The following PLEKHA2 variants were observed in gnomAD, a reference collection of about 807,000 sequenced individuals.
PLEKHA2 encodes pleckstrin homology domain-containing family A member 2.
Under a neutral mutation model 53.2 loss-of-function variants are expected in PLEKHA2, and 28 were observed. That is an observed-to-expected ratio of 0.53 (90% CI 0.39 to 0.72). PLEKHA2 has a LOEUF of 0.72. Among genes scored for constraint, PLEKHA2 ranks in the 30% least tolerant of loss-of-function variants. PLEKHA2 has a pLI of 0.00. For synonymous variants in PLEKHA2, 193 were observed against 196.4 expected (o/e 0.98, Z 0.14); for missense variants, 426 against 537.9 (o/e 0.79, Z 2.06).
chr8:38,938,439 G>C (rs1465935981), intron 3 of PLEKHA2, among the ~76,000 whole-genome samples: 5 of 152,006 alleles, frequency 3.3e-5, no homozygotes, highest in Non-Finnish European at 7.4e-5. Context: ...GCAGAGCTAG[G>C]AGACCTTGTT....
chr8:38,956,160 G>A lies in PLEKHA2; in HGVS notation c.774-1163G>A, dbSNP rs570765762. Among the ~76,000 whole-genome samples the A allele has an allele frequency of 2.2e-4, 34 of 152,278 alleles. No homozygotes were observed. The South Asian group carries it at 2.5e-3, about 11-fold the overall frequency. On this transcript the variant is annotated intron_variant, in intron 9 of 11. Transcript: ENST00000617275. ...ATCTTTTACTCCTTATGTATTCCCC[G>A]CAGTGGCTGGGGATATACGCGGCAG...
At chr8:38,932,076 G>C (rs189726722) in intron 2 of PLEKHA2, among the ~76,000 whole-genome samples, 2 of 151,988 alleles carry the variant, frequency 1.3e-5, no homozygotes, top group Non-Finnish European at 2.9e-5. Context: ...CTGCAGCCTC[G>C]AACTCCTGGG....
At chr8:38,919,314 A>G (rs1399976597) in intron 2 of PLEKHA2, among the ~76,000 whole-genome samples, 2 of 152,200 alleles carry the variant, frequency 1.3e-5, no homozygotes, top group Non-Finnish European at 2.9e-5. Flanking sequence ...CCCTGGAGTC[A>G]TCACTGCTCT....
chr8:38,907,090 A>G (rs1209452224), intron 1 of PLEKHA2, among the ~76,000 whole-genome samples: 1 of 152,226 alleles, frequency 6.6e-6, no homozygotes, highest in African/African-American at 2.4e-5. Flanking sequence ...TAGGGGTAAC[A>G]GGACAGAAGA....
chr8:38,910,414 A>G (rs1377630674), intron 1 of PLEKHA2, among the ~76,000 whole-genome samples: 3 of 152,224 alleles, frequency 2.0e-5, no homozygotes, highest in Admixed American at 1.3e-4. Flanking sequence ...TTCTGTATGC[A>G]CATACTTTTG....
intron 1 of PLEKHA2, among the ~76,000 whole-genome samples, chr8:38,912,754 T>C (rs1313533982): frequency 1.3e-5 from 2 of 152,220 alleles, no homozygotes; most frequent in African/African-American, 4.8e-5. Flanking sequence ...TCATGTTGTG[T>C]GCAGCATCTG....
At chr8:38,934,970 A>G (rs893626040) in intron 2 of PLEKHA2, among the ~76,000 whole-genome samples, 3 of 152,168 alleles carry the variant, frequency 2.0e-5, no homozygotes, top group African/African-American at 4.8e-5. Context: ...AGAGTCTTCT[A>G]CATACCAGGG....
chr8:38,920,873 T>C (rs1834178412), intron 2 of PLEKHA2, among the ~76,000 whole-genome samples: 1 of 151,938 alleles, frequency 6.6e-6, no homozygotes, highest in African/African-American at 2.4e-5. Context: ...CGATCTCAGC[T>C]CACTGCAACC....
At chr8:38,966,535 C>T (rs576351077) in intron 10 of PLEKHA2, among the ~76,000 whole-genome samples, 1 of 152,178 alleles carries the variant, frequency 6.6e-6, no homozygotes, top group African/African-American at 2.4e-5. Flanking sequence ...CCTTAGCCAG[C>T]GTTTGCTCTG....
chr8:38,962,354 A>G (rs530482678), intron 10 of PLEKHA2, among the ~76,000 whole-genome samples: 1 of 152,214 alleles, frequency 6.6e-6, no homozygotes, highest in Admixed American at 6.5e-5. Context: ...CCAAAAGAAA[A>G]GAAAAAAATA....
chr8:38,948,661 A>G (rs1402311277), intron 5 of PLEKHA2, among the ~76,000 whole-genome samples: 1 of 152,152 alleles, frequency 6.6e-6, no homozygotes, highest in Non-Finnish European at 1.5e-5. Flanking sequence ...ACACCAAATG[A>G]CAGGGCTGTC....
chr8:38,907,424 G>A (rs17515835), intron 1 of PLEKHA2, among the ~76,000 whole-genome samples: 24,247 of 152,058 alleles, frequency 0.16, 2,385 homozygotes, highest in Non-Finnish European at 0.22. Flanking sequence ...TCAAAATCAA[G>A]AGGGCTATTC....
At chr8:38,925,647 T>A (rs111397245) in intron 2 of PLEKHA2, among the ~76,000 whole-genome samples, 39 of 152,372 alleles carry the variant, frequency 2.6e-4, no homozygotes, top group African/African-American at 7.5e-4. Context: ...TTAATTTTTT[T>A]AAATAAACTG....
rs368305175 is a variant in PLEKHA2, at chr8:38,941,261, AG to A, written c.199-2527del. Among the ~76,000 whole-genome samples the A allele has an allele frequency of 3.0e-3, 458 of 152,224 alleles. 3 individuals carry two copies. Among genetic ancestry groups the A allele is most frequent in the African/African-American group, 0.011 (442 of 41,558 alleles). On this transcript the variant is annotated intron_variant, in intron 3 of 11. Transcript: ENST00000617275. ...AGTAGAGACAGGGTTTCACCATGTT[AG>A]TCAGGCTGGTCTCGAACTCCTTACC... is the stretch of plus-strand genomic sequence containing the variant.
chr8:38,907,506 A>C (rs1439649025), intron 1 of PLEKHA2, among the ~76,000 whole-genome samples: 1 of 152,212 alleles, frequency 6.6e-6, no homozygotes, highest in Non-Finnish European at 1.5e-5. Flanking sequence ...GGCTGGGCAC[A>C]GTGGCTCATG....
intron 1 of PLEKHA2, among the ~76,000 whole-genome samples, chr8:38,910,054 T>C (rs1833934052): frequency 1.3e-5 from 2 of 151,314 alleles, no homozygotes; most frequent in Admixed American, 1.3e-4. Flanking sequence ...CTTCCAGGGC[T>C]CAAGTGATCC....
intron 3 of PLEKHA2, among the ~76,000 whole-genome samples, chr8:38,940,647 GGGC>G (rs1165103355): frequency 1.7e-4 from 11 of 65,034 alleles, no homozygotes; most frequent in African/African-American, 6.0e-4. Context: ...CAGATTGAAG[GGGC>G]GGGGGGGGGG....
chr8:38,952,876 C>T lies in PLEKHA2; in HGVS notation c.702+172C>T, dbSNP rs73615996. 7.0e-3 allele frequency among the ~76,000 whole-genome samples: 1,065 copies of T among 152,362 alleles called. 16 individuals are homozygous for T. Among genetic ancestry groups the T allele is most frequent in the African/African-American group, 0.024 (1,002 of 41,592 alleles). On this transcript the variant is annotated intron_variant, in intron 8 of 11. Coordinates refer to ENST00000617275, the MANE Select transcript of PLEKHA2 (RefSeq NM_021623.2). ...CATCTTTACAGTGACACTAAAGTGT[C>T]CTCTCTGCAGTGAGCTGCTGTGTGG...
intron 2 of PLEKHA2, among the ~76,000 whole-genome samples, chr8:38,923,684 C>T (rs970733725): frequency 4.6e-5 from 7 of 152,140 alleles, no homozygotes; most frequent in African/African-American, 1.7e-4. Context: ...AGAGTTTACA[C>T]TGTATTTGGG....
Sources: allele counts gnomAD v4.1 joint callset (sites outside exome capture counted in the v4.1 genomes callset), GRCh38; gene constraint gnomAD v4.1.1; transcripts MANE v1.5; gene names NCBI Gene and HGNC (gene_info 2026-07-23, HGNC 2026-07-21).